ANO3: variants seen among roughly 807,000 people sequenced by gnomAD.
ANO3 encodes anoctamin 3.
Under a neutral mutation model 144.8 loss-of-function variants are expected in ANO3, and 99 were observed. The observed-to-expected ratio is 0.68, with a 90% confidence interval of 0.58 to 0.81. The LOEUF is 0.81. Ranked by LOEUF, ANO3 falls within the 30% of genes least tolerant of loss-of-function variation. The pLI, the probability that ANO3 is intolerant of heterozygous loss-of-function variation, is 0.00. For synonymous variants in ANO3, 414 were observed against 392.6 expected, an observed-to-expected ratio of 1.05 and a Z score of -0.64; for missense variants, 905 against 1,202.2, an observed-to-expected ratio of 0.75 and a Z score of 3.66.
chr11:26,525,575 T>C, intron 6 of ANO3, 60 bp from the exon 7 acceptor site: 2 of 1,335,484 alleles, frequency 1.5e-6, no homozygotes, highest in Non-Finnish European at 2.1e-6. Flanking sequence ...ATGTTGTCAC[T>C]CACTCGTATC....
chr11:26,405,833 C>G (rs746584740), intron 1 of ANO3, among the ~76,000 whole-genome samples: 1 of 151,988 alleles, frequency 6.6e-6, no homozygotes, highest in African/African-American at 2.4e-5. Flanking sequence ...CTGAGAAAGA[C>G]TGAGGAATCT....
At chr11:26,591,301 G>A (rs1358011661) in intron 14 of ANO3, among the ~76,000 whole-genome samples, 1 of 152,146 alleles carries the variant, frequency 6.6e-6, no homozygotes, top group Non-Finnish European at 1.5e-5. Flanking sequence ...CGTAGTAGGG[G>A]TCGTGCAGTT....
chr11:26,587,625 A>C (rs909729852), intron 14 of ANO3, among the ~76,000 whole-genome samples: 1 of 152,076 alleles, frequency 6.6e-6, no homozygotes, highest in Non-Finnish European at 1.5e-5. Flanking sequence ...TCAGCCCCTC[A>C]CTGCAAGATA....
At chr11:26,532,740 C>T (rs766685135) in intron 8 of ANO3, among the ~76,000 whole-genome samples, 4 of 152,032 alleles carry the variant, frequency 2.6e-5, no homozygotes, top group Non-Finnish European at 5.9e-5. Context: ...GTAGTCCTTC[C>T]TGTCATTCAG....
chr11:26,497,984 G>T (rs973397860), intron 4 of ANO3, among the ~76,000 whole-genome samples: 2 of 152,014 alleles, frequency 1.3e-5, no homozygotes, highest in East Asian at 1.9e-4. Context: ...TACAGATTGG[G>T]TTTAAGTAGA....
At chr11:26,367,353 GACATA>G (rs1287570174) in intron 1 of ANO3, among the ~76,000 whole-genome samples, 7 of 152,054 alleles carry the variant, frequency 4.6e-5, no homozygotes, top group African/African-American at 1.7e-4. Flanking sequence ...TTTTTGCTAG[GACATA>G]ACATATGTGA....
At chr11:26,439,428 G>T (rs1858432261) in intron 1 of ANO3, among the ~76,000 whole-genome samples, 1 of 152,206 alleles carries the variant, frequency 6.6e-6, no homozygotes, top group African/African-American at 2.4e-5. Context: ...ATGGAGGCAA[G>T]AAATTAGGTT....
intron 14 of ANO3, among the ~76,000 whole-genome samples, chr11:26,569,139 T>C (rs1031111431): frequency 6.6e-6 from 1 of 152,058 alleles, no homozygotes; most frequent in Non-Finnish European, 1.5e-5. Flanking sequence ...AATTCTGTTG[T>C]TCCTGTTTCA....
chr11:26,373,377 T>C (rs1016455746), intron 1 of ANO3, among the ~76,000 whole-genome samples: 7 of 152,198 alleles, frequency 4.6e-5, no homozygotes, highest in African/African-American at 7.2e-5. Flanking sequence ...TTCTTCGCTC[T>C]TCACACTTCT....
intron 18 of ANO3, among the ~76,000 whole-genome samples, chr11:26,631,091 G>A (rs1852762858): frequency 6.6e-6 from 1 of 151,298 alleles, no homozygotes; most frequent in Non-Finnish European, 1.5e-5. Flanking sequence ...ATATATAAAT[G>A]TTTTAACTTG....
intron 16 of ANO3, 58 bp from the exon 17 acceptor site, chr11:26,599,492 C>G (rs931400249): frequency 6.4e-7 from 1 of 1,554,190 alleles, no homozygotes; most frequent in Non-Finnish European, 8.8e-7. Flanking sequence ...TACGGTTTTG[C>G]TTTTGACTTG....
intron 13 of ANO3, among the ~76,000 whole-genome samples, chr11:26,557,505 C>T (rs934800657): frequency 6.6e-6 from 1 of 151,734 alleles, no homozygotes; most frequent in African/African-American, 2.4e-5. Flanking sequence ...CCATGGGTCC[C>T]TCTATTCATA....
At chr11:26,601,071 A>T (rs1168795043) in intron 17 of ANO3, among the ~76,000 whole-genome samples, 1 of 152,198 alleles carries the variant, frequency 6.6e-6, no homozygotes, top group Non-Finnish European at 1.5e-5. Context: ...ACAGCTCCAC[A>T]AAGTCAATTT....
chr11:26,513,388 T>C (rs751531909), intron 5 of ANO3, among the ~76,000 whole-genome samples: 3 of 152,118 alleles, frequency 2.0e-5, no homozygotes, highest in Admixed American at 6.6e-5. Flanking sequence ...CAACCAAAGA[T>C]GACGATGATG....
intron 1 of ANO3, among the ~76,000 whole-genome samples, chr11:26,428,072 T>C (rs1038084458): frequency 1.3e-5 from 2 of 152,106 alleles, no homozygotes; most frequent in Non-Finnish European, 2.9e-5. Flanking sequence ...ATGTGGATCA[T>C]AGATATGAAA....
At position 26,498,933 on chromosome 11, in the gene ANO3, C is replaced by T. The variant is rs569338215; in HGVS notation, c.433-9171C>T. Among the ~76,000 whole-genome samples, 3 of 151,884 alleles carry T rather than the reference C, an allele frequency of 2.0e-5. No homozygotes were observed. The East Asian group carries it at 5.8e-4, about 29-fold the overall frequency. ...TTACAAAAGATCAACAGCATCCCTT[C>T]GATGGATGTAGGAGCAGATACATTT... is the stretch of plus-strand genomic sequence containing the variant. On this transcript the variant is annotated intron_variant, in intron 4 of 26. Transcript: ENST00000256737.
intron 1 of ANO3, among the ~76,000 whole-genome samples, chr11:26,224,451 C>T (rs187311835): frequency 1.3e-5 from 2 of 152,334 alleles, no homozygotes; most frequent in East Asian, 1.9e-4. Flanking sequence ...TATAGTTTCC[C>T]TATTTGCCTT....
At chr11:26,233,014 G>A (rs1231126225) in intron 1 of ANO3, among the ~76,000 whole-genome samples, 10 of 149,954 alleles carry the variant, frequency 6.7e-5, no homozygotes, top group Non-Finnish European at 1.2e-4. Flanking sequence ...TCAGGAGATC[G>A]AGACATCCTG....
At chr11:26,516,289 A>C (rs1861861272) in intron 5 of ANO3, among the ~76,000 whole-genome samples, 1 of 151,410 alleles carries the variant, frequency 6.6e-6, no homozygotes, top group African/African-American at 2.4e-5. Context: ...AGATGAAAGA[A>C]AGAAAGCAAA....
Sources: gnomAD v4.1 joint callset for allele counts (sites outside exome capture counted in the v4.1 genomes callset) on GRCh38, gnomAD v4.1.1 for gene constraint, MANE v1.5 for transcripts, NCBI Gene and HGNC (gene_info 2026-07-23, HGNC 2026-07-21) for gene names.